The following FAIM2 variants were observed in gnomAD, a reference collection of about 807,000 sequenced individuals.
FAIM2 encodes protein lifeguard 2.
Under a neutral mutation model 47.4 loss-of-function variants are expected in FAIM2, and 27 were observed. That is an observed-to-expected ratio of 0.57 (90% CI 0.42 to 0.78). FAIM2 has a LOEUF of 0.78. Among genes scored for constraint, FAIM2 ranks in the 30% least tolerant of loss-of-function variants. The pLI is 0.00. For synonymous variants in FAIM2, 156 were observed against 159.3 expected (o/e 0.98, Z 0.16); for missense variants, 311 against 389.4 (o/e 0.80, Z 1.69).
chr12:49,869,722 G>C lies in FAIM2; in HGVS notation c.*782C>G, dbSNP rs570790011. The C allele has an allele frequency of 3.3e-5, 5 of 152,452 alleles. No homozygotes were observed. The highest frequency in any genetic ancestry group is 1.2e-4 in the African/African-American group (5 of 41,542). The allele number at this position is 152,452 out of a possible 1,614,324, so 9.4% of individuals were successfully genotyped here. On this transcript the variant is annotated 3_prime_UTR_variant, in exon 12 of 12. Coordinates refer to ENST00000320634, the MANE Select transcript of FAIM2 (RefSeq NM_012306.4). ...CTGCAACCCCAAATGCCTCCCAGGT[G>C]GACGCGGGTCTGGGTGGATTGGCTC...
At chr12:49,871,085 T>C (rs911693257) in intron 11 of FAIM2, among the ~76,000 whole-genome samples, 1 of 152,206 alleles carries the variant, frequency 6.6e-6, no homozygotes, top group African/African-American at 2.4e-5. Context: ...CTCCGGACCC[T>C]GCTCTCAGAG....
chr12:49,891,034 C>T (rs531588607), intron 6 of FAIM2, 30 bp downstream of exon 6: 6 of 1,611,032 alleles, frequency 3.7e-6, no homozygotes, highest in Non-Finnish European at 3.4e-6. Context: ...CTCATATTCC[C>T]ACAAGTTCCT....
chr12:49,876,494 T>C (rs1286241178), intron 11 of FAIM2, among the ~76,000 whole-genome samples: 1 of 152,072 alleles, frequency 6.6e-6, no homozygotes. Flanking sequence ...CTGGGTGCGG[T>C]GGCTTACGCC....
chr12:49,871,383 C>T (rs555354540), intron 11 of FAIM2, among the ~76,000 whole-genome samples: 6 of 152,250 alleles, frequency 3.9e-5, no homozygotes, highest in African/African-American at 1.4e-4. Context: ...TTCCCTGGGG[C>T]CCTGCTTGGC....
chr12:49,873,750 G>A (rs535971821), intron 11 of FAIM2, among the ~76,000 whole-genome samples: 1 of 152,280 alleles, frequency 6.6e-6, no homozygotes, highest in African/African-American at 2.4e-5. Flanking sequence ...AGCCACAGAT[G>A]CTTATCTATG....
intron 1 of FAIM2, 131 bp from the exon 2 acceptor site, chr12:49,901,456 G>A: frequency 3.0e-6 from 2 of 660,254 alleles, no homozygotes; most frequent in Non-Finnish European, 2.4e-6. Flanking sequence ...AGCCAGGAAT[G>A]CAGACAAGAA....
rs1278667246 is a variant in FAIM2 at position 49,878,754 on chromosome 12, GTATA to G, written c.802-8105_802-8102del. Among the ~76,000 whole-genome samples, 3 of 124,052 alleles carry G rather than the reference GTATA, an allele frequency of 2.4e-5. 1 individual carries two copies. Among genetic ancestry groups the G allele is most frequent in the Non-Finnish European group, 4.8e-5 (3 of 61,906 alleles). 81.4% of individuals were successfully genotyped at this position (124,052 alleles called of 152,430 possible). A position where few individuals can be genotyped will look rare whatever the true frequency, so the allele number is the denominator to read the frequency against. ...TGCATGTGAGTGTATATGCATATGT[GTATA>G]TATTTATTTGTGTGCATGAGTGTAT... is the stretch of plus-strand genomic sequence containing the variant. On this transcript the variant is annotated intron_variant, in intron 11 of 11. Transcript: ENST00000320634.
rs970974281 is a variant in FAIM2, at chr12:49,870,280, C to T, written c.*224G>A. The stretch of plus-strand genomic sequence containing the variant: ...GACCGTCCCAGTTTGGAAGATGTAA[C>T]GGGCGAATGGGGCGGCACAGGGATT... On this transcript the variant is annotated 3_prime_UTR_variant, in exon 12 of 12. Transcript: ENST00000320634. 3.3e-5 allele frequency: 15 copies of T among 454,446 alleles called. No individual in the cohort carries two copies. Among genetic ancestry groups the T allele is most frequent in the Non-Finnish European group, 4.7e-5 (12 of 253,328 alleles). 28.2% of individuals were successfully genotyped at this position (454,446 alleles called of 1,614,324 possible).
At chr12:49,895,037 GGA>G (rs1295791857) in intron 5 of FAIM2, among the ~76,000 whole-genome samples, 1 of 148,902 alleles carries the variant, frequency 6.7e-6, no homozygotes, top group East Asian at 2.0e-4. Context: ...GGGGCAGGAC[GGA>G]GAGAGCTGAG....
At chr12:49,879,705 T>C (rs111203873) in intron 11 of FAIM2, among the ~76,000 whole-genome samples, 1 of 73,888 alleles carries the variant, frequency 1.4e-5, no homozygotes, top group Admixed American at 1.4e-4. Context: ...TGTGCATGTG[T>C]GTGTGTGTGT....
At chr12:49,903,130 G>A (rs537910548) in intron 1 of FAIM2, among the ~76,000 whole-genome samples, 8 of 152,074 alleles carry the variant, frequency 5.3e-5, no homozygotes, top group South Asian at 4.2e-4. Context: ...TAGGCCAGCC[G>A]AGTCTCTGCC....
intron 5 of FAIM2, among the ~76,000 whole-genome samples, chr12:49,893,716 A>G (rs1184688052): frequency 6.6e-6 from 1 of 152,214 alleles, no homozygotes; most frequent in Non-Finnish European, 1.5e-5. Context: ...AACTGTTGTC[A>G]CAGTGACTGG....
intron 5 of FAIM2, among the ~76,000 whole-genome samples, chr12:49,893,800 C>A (rs1946916734): frequency 6.6e-6 from 1 of 152,164 alleles, no homozygotes; most frequent in Non-Finnish European, 1.5e-5. Flanking sequence ...GCCATCCTGC[C>A]CGATTTAGGA....
chr12:49,887,954 AGCTGGAACAGCACAG>A (rs1256673434), intron 10 of FAIM2, among the ~76,000 whole-genome samples: 1 of 152,140 alleles, frequency 6.6e-6, no homozygotes, highest in East Asian at 1.9e-4. Context: ...GTGGAGGAAC[AGCTGGAACAGCACAG>A]GCTGGAACAG....
chr12:49,895,684 G>GA (rs1171397950), intron 5 of FAIM2, among the ~76,000 whole-genome samples: 1 of 152,192 alleles, frequency 6.6e-6, no homozygotes, highest in African/African-American at 2.4e-5. Flanking sequence ...ACCCCCAGAG[G>GA]CCAGGCTAGG....
At chr12:49,880,965 G>C (rs1483575928) in intron 11 of FAIM2, among the ~76,000 whole-genome samples, 1 of 152,028 alleles carries the variant, frequency 6.6e-6, no homozygotes, top group African/African-American at 2.4e-5. Context: ...CCTCAGGCTG[G>C]TCCCTGCCAG....
chr12:49,878,067 T>C (rs1946752576), intron 11 of FAIM2, among the ~76,000 whole-genome samples: 1 of 147,364 alleles, frequency 6.8e-6, no homozygotes, highest in South Asian at 2.1e-4. Flanking sequence ...TGTGCGTGTA[T>C]GTGTGTTTAT....
At chr12:49,897,129 G>A in intron 4 of FAIM2, 45 bp from the exon 5 acceptor site, 11 of 1,480,064 alleles carry the variant, frequency 7.4e-6, no homozygotes, top group Non-Finnish European at 1.0e-5. Context: ...ATGTACCCTA[G>A]GTCTCCATTT....
rs748035687 is a variant in FAIM2, at chr12:49,901,183, G to A, written c.158C>T (p.Pro53Leu). ...GAGAGGCACCGCTGTGGGGGCTGGG[G>A]GGAAGGCCCCTGCCTTCATCCCCTC... ...SGEGMKAGAF[P>L]PAPTAVPLHP... The change falls in exon 2 of 12, where the codon CCC (proline) becomes CTC (leucine). Residue 53 changes from proline to leucine, a missense_variant. Coordinates refer to ENST00000320634, the MANE Select transcript of FAIM2 (RefSeq NM_012306.4). 1 of 1,608,584 alleles carries A rather than the reference G, an allele frequency of 6.2e-7. No homozygotes were observed. The highest frequency in any genetic ancestry group is 8.5e-7 in the Non-Finnish European group (1 of 1,177,632).
Sources: gnomAD v4.1 joint callset for allele counts (sites outside exome capture counted in the v4.1 genomes callset) on GRCh38, gnomAD v4.1.1 for gene constraint, MANE v1.5 for transcripts, NCBI Gene and HGNC (gene_info 2026-07-23, HGNC 2026-07-21) for gene names.